SIAH2: variants seen among roughly 807,000 people sequenced by gnomAD.
The protein encoded by SIAH2 is E3 ubiquitin-protein ligase SIAH2.
In SIAH2, 4 loss-of-function variants were observed where a neutral mutation model predicts 20.4. The ratio of observed to expected loss-of-function variants is 0.20; its 90% CI spans 0.10 to 0.45. The LOEUF is 0.45. Ranked by LOEUF, SIAH2 falls within the 20% of genes least tolerant of loss-of-function variation. The pLI is 0.99. For missense variants in SIAH2, 259 were observed against 440.3 expected, an observed-to-expected ratio of 0.59 and a Z score of 3.69; for synonymous variants, 171 against 192.5, an observed-to-expected ratio of 0.89 and a Z score of 0.93.
intron 1 of SIAH2, among the ~76,000 whole-genome samples, chr3:150,753,501 G>C (rs979510880): frequency 6.6e-6 from 1 of 152,178 alleles, no homozygotes; most frequent in African/African-American, 2.4e-5. Flanking sequence ...CTATCAAAAA[G>C]CTTCAATTTC....
chr3:150,744,846 A>G (rs1250826726), intron 1 of SIAH2, among the ~76,000 whole-genome samples: 2 of 152,158 alleles, frequency 1.3e-5, no homozygotes, highest in Admixed American at 6.6e-5. Flanking sequence ...TTTACAGCAA[A>G]TATTTATCAC....
intron 1 of SIAH2, among the ~76,000 whole-genome samples, chr3:150,760,273 C>T (rs1327512761): frequency 6.6e-6 from 1 of 152,216 alleles, no homozygotes; most frequent in East Asian, 1.9e-4. Context: ...CACACATGCA[C>T]ACACAAAAGC....
chr3:150,754,885 C>G (rs776124035), intron 1 of SIAH2, among the ~76,000 whole-genome samples: 1 of 152,002 alleles, frequency 6.6e-6, no homozygotes, highest in Non-Finnish European at 1.5e-5. Flanking sequence ...TTACACAGCT[C>G]TATGAAAATG....
At position 150,759,808 on chromosome 3, in the gene SIAH2, A is replaced by G. The variant is rs535959750; in HGVS notation, c.417+2625T>C. On this transcript the variant is annotated intron_variant, in intron 1 of 1. Transcript: ENST00000312960. ...TTCTTTTCATAGAATGCTAGAAGCTACAGGTCCTTAGAAGTCAAGCAGATT... is the reference window on the plus strand; with the variant it reads ...TTCTTTTCATAGAATGCTAGAAGCTGCAGGTCCTTAGAAGTCAAGCAGATT... Among the ~76,000 whole-genome samples, 3 of 152,290 alleles carry G rather than the reference A, an allele frequency of 2.0e-5. No homozygotes were observed. In the South Asian group the frequency reaches 6.2e-4, roughly 32 times the overall value.
Position 150,762,628 on chromosome 3 carries a change from C to G in SIAH2, c.222G>C (p.Leu74=), listed in dbSNP as rs747475638. Residue 74 remains leucine (L), a synonymous_variant, in exon 1 of 2, where the codon CTG becomes CTC. Transcript: ENST00000312960. The surrounding 1 kb of genome is among the most constrained non-coding windows in gnomAD (Gnocchi z 6.6). ...AGACCGGACACTCGAAGAGCGAGGTCAGCTCGTGGTGCTGCGGGGACACCG... is the reference window on the plus strand; with the variant it reads ...AGACCGGACACTCGAAGAGCGAGGTGAGCTCGTGGTGCTGCGGGGACACCG... ...AGPVSPQHHE[L]TSLFECPVCF... is the part of the protein sequence containing the mutation. 2 of 1,608,742 alleles carry G rather than the reference C, an allele frequency of 1.2e-6. No individual in the cohort carries two copies. Among genetic ancestry groups the G allele is most frequent in the Non-Finnish European group, 1.7e-6 (2 of 1,178,372 alleles).
chr3:150,748,302 C>G (rs1714273368), intron 1 of SIAH2, among the ~76,000 whole-genome samples: 1 of 152,188 alleles, frequency 6.6e-6, no homozygotes, highest in Admixed American at 6.5e-5. Context: ...CAGCAACACA[C>G]AGTCAAACAC....
intron 1 of SIAH2, among the ~76,000 whole-genome samples, chr3:150,753,568 C>T (rs942261313): frequency 2.6e-5 from 4 of 152,112 alleles, no homozygotes; most frequent in African/African-American, 9.7e-5. Context: ...AAGCTGAAGC[C>T]GAATCACTTG....
At chr3:150,753,141 G>A (rs1477420161) in intron 1 of SIAH2, among the ~76,000 whole-genome samples, 2 of 152,152 alleles carry the variant, frequency 1.3e-5, no homozygotes, top group African/African-American at 2.4e-5. Context: ...GACTCCTTTC[G>A]GCTCCTAGTA....
At chr3:150,745,777 G>A (rs1210533606) in intron 1 of SIAH2, among the ~76,000 whole-genome samples, 1 of 152,134 alleles carries the variant, frequency 6.6e-6, no homozygotes, top group Non-Finnish European at 1.5e-5. Context: ...TTGCAGGCTT[G>A]AGCCACTGTG....
chr3:150,762,313 T>TTCTC lies in SIAH2; in HGVS notation c.417+119_417+120insGAGA, dbSNP rs1559939279. 1.4e-6 allele frequency: 2 copies of TTCTC among 1,477,718 alleles called. No individual in the cohort carries two copies. Among genetic ancestry groups the TTCTC allele is most frequent in the African/African-American group, 2.9e-5 (2 of 69,112 alleles). The allele number at this position is 1,477,718 out of a possible 1,614,324, so 91.5% of individuals were successfully genotyped here. ...GGAGGGTGGACGAAGTGTAAACATTTTTTCTTTTTTTTTTTTAAATGAGAG... is the reference window on the plus strand; with the variant it reads ...GGAGGGTGGACGAAGTGTAAACATTTTCTCTTTCTTTTTTTTTTTTAAATGAGAG... On this transcript the variant is annotated intron_variant, in intron 1 of 1. Transcript: ENST00000312960. This position sits in a 1 kb window ranked among gnomAD's most constrained non-coding sequence, Gnocchi z 6.6.
At position 150,742,191 on chromosome 3, in the gene SIAH2, C is replaced by T; in HGVS notation, c.925G>A (p.Asp309Asn). ...FDTAIAHLFADNGNLGINVTI... is the reference protein window; with the variant it reads ...FDTAIAHLFANNGNLGINVTI... ...ACATTGATTCCAAGGTTCCCATTAT[C>T]TGCAAAAAGATGTGCTATGGCTGTG... Residue 309 changes from aspartate (D) to asparagine (N), a missense_variant, in exon 2 of 2, where the codon GAT becomes AAT. This residue lies in a region of SIAH2 where 160 missense variants were observed against 327.6 expected (regional missense o/e 0.49). Coordinates refer to ENST00000312960, the MANE Select transcript of SIAH2 (RefSeq NM_005067.7). The surrounding 1 kb of genome is among the most constrained non-coding windows in gnomAD (Gnocchi z 4.8). 6.2e-7 allele frequency: 1 copy of T among 1,614,014 alleles called. No homozygotes were observed. The highest frequency in any genetic ancestry group is 8.5e-7 in the Non-Finnish European group (1 of 1,179,900).
chr3:150,757,488 T>G (rs1290765215), intron 1 of SIAH2, among the ~76,000 whole-genome samples: 2 of 151,792 alleles, frequency 1.3e-5, no homozygotes, highest in Non-Finnish European at 2.9e-5. Context: ...CCTAACAGAG[T>G]TCCAAAGTTC....
chr3:150,744,761 A>G (rs1025739856), intron 1 of SIAH2, among the ~76,000 whole-genome samples: 1 of 152,184 alleles, frequency 6.6e-6, no homozygotes, highest in Non-Finnish European at 1.5e-5. Flanking sequence ...ACTTTGGCCA[A>G]TGGCACCCAG....
In SIAH2 at chr3:150,741,185, A is replaced by C. The variant is rs535367698; in HGVS notation, c.*956T>G. ...AATGTGGCAGAAAAACAAAACCAACACACAGCTTTAAATAGCAAGCATATG... is the reference window on the plus strand; with the variant it reads ...AATGTGGCAGAAAAACAAAACCAACCCACAGCTTTAAATAGCAAGCATATG... On this transcript the variant is annotated 3_prime_UTR_variant, in exon 2 of 2. Transcript: ENST00000312960. 6.5e-6 allele frequency: 1 copy of C among 152,734 alleles called. No homozygotes were observed. Among genetic ancestry groups the C allele is most frequent in the East Asian group, 1.9e-4 (1 of 5,186 alleles). 9.5% of individuals were successfully genotyped at this position (152,734 alleles called of 1,614,324 possible).
chr3:150,741,884 T>G lies in SIAH2; in HGVS notation c.*257A>C. Reference sequence around the variant, plus strand: ...TGTGCAACAGCCTGTCAAGTGTTGTTTAGGGAGTAAATACAATTCAATAAG... The same window carrying G: ...TGTGCAACAGCCTGTCAAGTGTTGTGTAGGGAGTAAATACAATTCAATAAG... On this transcript the variant is annotated 3_prime_UTR_variant, in exon 2 of 2. Coordinates refer to ENST00000312960, the MANE Select transcript of SIAH2 (RefSeq NM_005067.7). 2.3e-6 allele frequency: 1 copy of G among 430,780 alleles called. No individual in the cohort carries two copies. The highest frequency in any genetic ancestry group is 4.2e-6 in the Non-Finnish European group (1 of 238,728). The allele number at this position is 430,780 out of a possible 1,614,324, so 26.7% of individuals were successfully genotyped here.
At chr3:150,757,574 T>G (rs1189878496) in intron 1 of SIAH2, among the ~76,000 whole-genome samples, 1 of 152,152 alleles carries the variant, frequency 6.6e-6, no homozygotes, top group Non-Finnish European at 1.5e-5. Flanking sequence ...AGAGGCTGCA[T>G]GCTGGCAGCT....
intron 1 of SIAH2, among the ~76,000 whole-genome samples, chr3:150,744,978 C>A (rs1437503705): frequency 6.6e-6 from 1 of 152,120 alleles, no homozygotes; most frequent in Non-Finnish European, 1.5e-5. Context: ...GAACAGGGAA[C>A]CTCCCCAAAC....
chr3:150,750,196 G>A (rs1183219470), intron 1 of SIAH2, among the ~76,000 whole-genome samples: 3 of 152,126 alleles, frequency 2.0e-5, no homozygotes, highest in Non-Finnish European at 4.4e-5. Flanking sequence ...AGCAATTCAA[G>A]CTAGCTGTTT....
In SIAH2 at chr3:150,751,769, G is replaced by C. The variant is rs184372820; in HGVS notation, c.418-9071C>G. On this transcript the variant is annotated intron_variant, in intron 1 of 1. Coordinates refer to ENST00000312960, the MANE Select transcript of SIAH2 (RefSeq NM_005067.7). ...AGACAGGGTCCTGCTGTGTTGCCCA[G>C]GCTGATCTCAAACTCCTAGCCTCAC... 5.3e-5 allele frequency among the ~76,000 whole-genome samples: 8 copies of C among 152,194 alleles called. No individual in the cohort carries two copies. The East Asian group carries it at 1.4e-3, about 26-fold the overall frequency.
Sources: allele counts gnomAD v4.1 joint callset (sites outside exome capture counted in the v4.1 genomes callset), GRCh38; gene constraint gnomAD v4.1.1; regional missense constraint gnomAD v4.1.1; non-coding constraint Gnocchi (gnomAD v3.1); transcripts MANE v1.5; gene names NCBI Gene and HGNC (gene_info 2026-07-23, HGNC 2026-07-21).